DNAH6: variants seen among roughly 807,000 people sequenced by gnomAD.
DNAH6 encodes axonemal beta dynein heavy chain 6.
Under a neutral mutation model 491.4 loss-of-function variants are expected in DNAH6, and 340 were observed. That is an observed-to-expected ratio of 0.69 (90% CI 0.63 to 0.76). The LOEUF (loss-of-function observed/expected upper bound fraction) is 0.76, where lower values mean the gene tolerates loss of function less well. DNAH6 is among the 30% of genes least tolerant of loss of function. The pLI is 0.00. For missense variants in DNAH6, 4,443 were observed against 4,972.2 expected (o/e 0.89, Z 3.20); for synonymous variants, 1,603 against 1,686.1 (o/e 0.95, Z 1.21).
intron 18 of DNAH6, among the ~76,000 whole-genome samples, chr2:84,597,273 C>G (rs1684690058): frequency 6.6e-6 from 1 of 152,096 alleles, no homozygotes; most frequent in South Asian, 2.1e-4. Flanking sequence ...CATACTCTTA[C>G]AAATAAAAAG....
rs1427531441 is a variant in DNAH6, at chr2:84,742,326, A to T, written c.10343-2754A>T. ...GTAGGATTTTGTTGTTGTTTTGAGG[A>T]ACATGAAAGTCTTTCTTTTAACAGA... On this transcript the variant is annotated intron_variant, in intron 62 of 76. Transcript: ENST00000389394. 2.0e-5 allele frequency among the ~76,000 whole-genome samples: 3 copies of T among 152,308 alleles called. No individual in the cohort carries two copies. In the East Asian group the frequency reaches 5.8e-4, roughly 29 times the overall value.
At chr2:84,597,025 A>G (rs1269206722) in intron 18 of DNAH6, among the ~76,000 whole-genome samples, 1 of 152,224 alleles carries the variant, frequency 6.6e-6, no homozygotes, top group Non-Finnish European at 1.5e-5. Context: ...ATACAATAGT[A>G]CCATACAGAA....
intron 5 of DNAH6, among the ~76,000 whole-genome samples, chr2:84,545,987 A>G (rs973172359): frequency 6.6e-6 from 1 of 152,182 alleles, no homozygotes; most frequent in African/African-American, 2.4e-5. Flanking sequence ...CACAGAATTG[A>G]TCCACCATTA....
Position 84,787,258 on chromosome 2 carries a change from G to GTAA in DNAH6, c.11196_11198dup (p.Cys3732_Lys3733insAsn). On this transcript the variant is annotated inframe_insertion, in exon 68 of 77. Transcript: ENST00000389394. ...GCTTTACTGAATCTCAAACTCTATT[G>GTAA]TAAAGAAGGAAAGATTCCCTGGGAT... is the stretch of plus-strand genomic sequence containing the variant. The GTAA allele has an allele frequency of 6.5e-7, 1 of 1,548,186 alleles. No homozygotes were observed. The highest frequency in any genetic ancestry group is 2.5e-5 in the East Asian group (1 of 40,796).
At chr2:84,480,970 A>AAAG in the DNAH6 span, among the ~76,000 whole-genome samples, 1 of 152,078 alleles carries the variant, frequency 6.6e-6, no homozygotes, top group African/African-American at 2.4e-5. Flanking sequence ...CTCAAAAAAA[A>AAAG]AAGAAAAAAA....
At position 84,663,130 on chromosome 2, in the gene DNAH6, TG is replaced by T. The variant is rs973238797; in HGVS notation, c.6084+3965del. On this transcript the variant is annotated intron_variant, in intron 37 of 76. Transcript: ENST00000389394. ...CCAAAGGTAGATAAAACCACAAAGA[TG>T]GGGAGAAACCAGAGCAGAAAAGCTG... Among the ~76,000 whole-genome samples the T allele has an allele frequency of 3.9e-5, 6 of 152,120 alleles. 1 individual carries two copies. The highest frequency in any genetic ancestry group is 3.3e-4 in the Admixed American group (5 of 15,268).
intron 12 of DNAH6, among the ~76,000 whole-genome samples, chr2:84,575,835 G>T (rs1682382208): frequency 1.3e-5 from 2 of 152,170 alleles, no homozygotes. Context: ...AGTGAGCCGA[G>T]ATCGCGCCGC....
the DNAH6 span, among the ~76,000 whole-genome samples, chr2:84,471,278 A>G: frequency 1.3e-5 from 2 of 152,330 alleles, no homozygotes; most frequent in East Asian, 3.9e-4. Flanking sequence ...TTAACTGAGC[A>G]AGGCAATTGC....
intron 57 of DNAH6, 98 bp downstream of exon 57, chr2:84,713,357 C>A: frequency 8.6e-7 from 1 of 1,156,646 alleles, no homozygotes; most frequent in Non-Finnish European, 1.2e-6. Context: ...GGAAAGTGCT[C>A]CCCCATTCTC....
At chr2:84,611,909 G>T in intron 22 of DNAH6, 55 bp downstream of exon 22, 1 of 1,440,184 alleles carries the variant, frequency 6.9e-7, no homozygotes, top group Non-Finnish European at 9.3e-7. Context: ...AGTAGTCTGG[G>T]ACTTTAGTCC....
chr2:84,546,060 ACT>A (rs1298966565), intron 5 of DNAH6, among the ~76,000 whole-genome samples: 3 of 152,056 alleles, frequency 2.0e-5, no homozygotes, highest in African/African-American at 7.2e-5. Context: ...ATTAGTGGTC[ACT>A]CTCTATTTCT....
chr2:84,707,371 T>G lies in DNAH6; in HGVS notation c.8852-149T>G, dbSNP rs1388405981. Reference sequence around the variant, plus strand: ...GACTTGGTTCTGAAATGGGAATTAATGCTGAATTGGTGTAAGGTTTCATAG... The same window carrying G: ...GACTTGGTTCTGAAATGGGAATTAAGGCTGAATTGGTGTAAGGTTTCATAG... On this transcript the variant is annotated intron_variant, in intron 53 of 76. Coordinates refer to ENST00000389394, the MANE Select transcript of DNAH6 (RefSeq NM_001370.2). 5 of 837,074 alleles carry G rather than the reference T, an allele frequency of 6.0e-6. No individual in the cohort carries two copies. In the East Asian group the frequency reaches 1.4e-4, roughly 23 times the overall value. The allele number at this position is 837,074 out of a possible 1,614,324, so 51.9% of individuals were successfully genotyped here.
chr2:84,797,445 C>A, intron 69 of DNAH6, 92 bp from the exon 70 acceptor site: 1 of 1,220,156 alleles, frequency 8.2e-7, no homozygotes, highest in Non-Finnish European at 1.1e-6. Flanking sequence ...CTGATTGCAG[C>A]CACCATCTGC....
chr2:84,708,792 T>C (rs1696766918), intron 54 of DNAH6, among the ~76,000 whole-genome samples: 1 of 152,226 alleles, frequency 6.6e-6, no homozygotes, highest in African/African-American at 2.4e-5. Context: ...CCTTCAGTTA[T>C]AAAACCTGAT....
In DNAH6 at chr2:84,605,572, G is replaced by A; in HGVS notation, c.3154G>A (p.Gly1052Ser). The change falls in exon 20 of 77, where the codon GGC becomes AGC. Residue 1052 changes from glycine (G) to serine (S), a missense_variant. Gly to Ser is a moderately conservative substitution (Grantham distance 56). This residue lies in a region of DNAH6 where 2,977 missense variants were observed against 3,296.6 expected (regional missense o/e 0.90). Coordinates refer to ENST00000389394, the MANE Select transcript of DNAH6 (RefSeq NM_001370.2). ...TGACTCCAAAGATGTGTTTATACTG[G>A]GCGGCACAGATGACATACAGGTGGG... ...HRDSKDVFIL[G>S]GTDDIQVLLD... 1 of 1,551,326 alleles carries A rather than the reference G, an allele frequency of 6.4e-7. No individual in the cohort carries two copies. Among genetic ancestry groups the A allele is most frequent in the Non-Finnish European group, 8.7e-7 (1 of 1,146,752 alleles).
chr2:84,539,814 A>T (rs1463245998), intron 4 of DNAH6, among the ~76,000 whole-genome samples: 2 of 152,152 alleles, frequency 1.3e-5, no homozygotes, highest in Admixed American at 1.3e-4. Flanking sequence ...CAGGTAAAAA[A>T]AGAGTTCTTT....
intron 11 of DNAH6, among the ~76,000 whole-genome samples, chr2:84,562,490 G>T (rs752435818): frequency 6.6e-6 from 1 of 152,106 alleles, no homozygotes; most frequent in Admixed American, 6.6e-5. Flanking sequence ...ATGTTGTAGG[G>T]GCAAAGGTAA....
At chr2:84,516,472 C>G (rs1476428070), upstream of DNAH6, 2 of 152,188 alleles carry the variant, frequency 1.3e-5, no homozygotes, top group African/African-American at 2.4e-5. Context: ...TAGAGGCCAG[C>G]TGGTTGCTAC....
rs539134296 is a variant in DNAH6 at position 84,626,833 on chromosome 2, C to A, written c.4515+1770C>A. ...GGCCAGGCTGGTCTGGTCTTGAACT[C>A]CTGACCTCGTGATCCACCCGCTTTG... On this transcript the variant is annotated intron_variant, in intron 29 of 76. Transcript: ENST00000389394. Among the ~76,000 whole-genome samples the A allele has an allele frequency of 5.9e-5, 9 of 152,258 alleles. No individual in the cohort carries two copies. In the East Asian group the frequency reaches 1.5e-3, roughly 26 times the overall value.
Sources: allele counts gnomAD v4.1 joint callset (sites outside exome capture counted in the v4.1 genomes callset), GRCh38; gene constraint gnomAD v4.1.1; regional missense constraint gnomAD v4.1.1; transcripts MANE v1.5; gene names NCBI Gene and HGNC (gene_info 2026-07-23, HGNC 2026-07-21).